ATP8A2: variants seen among roughly 807,000 people sequenced by gnomAD.
The protein encoded by ATP8A2 is phospholipid-transporting ATPase IB.
A neutral mutation model predicts 165.6 loss-of-function variants in ATP8A2; 100 were observed. The observed-to-expected ratio is 0.60, with a 90% CI of 0.51 to 0.71. ATP8A2 has a LOEUF of 0.71. Ranked by LOEUF, ATP8A2 falls within the 30% of genes least tolerant of loss-of-function variation. The pLI is 0.00. For synonymous variants in ATP8A2, 543 were observed against 548.8 expected, an observed-to-expected ratio of 0.99 and a Z score of 0.15; for missense variants, 1,227 against 1,479.5, an observed-to-expected ratio of 0.83 and a Z score of 2.80.
chr13:25,564,576 A>T (rs1321341651), intron 16 of ATP8A2, among the ~76,000 whole-genome samples: 1 of 152,252 alleles, frequency 6.6e-6, no homozygotes, highest in African/African-American at 2.4e-5. Flanking sequence ...GCATAAATGT[A>T]GAAATGAGCC....
chr13:25,825,477 G>GT (rs1475698922), intron 27 of ATP8A2, among the ~76,000 whole-genome samples: 1 of 151,798 alleles, frequency 6.6e-6, no homozygotes, highest in East Asian at 1.9e-4. Context: ...ATTTTTATTT[G>GT]TTTTTTCTAT....
intron 27 of ATP8A2, among the ~76,000 whole-genome samples, chr13:25,807,519 C>T (rs970672709): frequency 6.6e-6 from 1 of 152,128 alleles, no homozygotes; most frequent in Non-Finnish European, 1.5e-5. Flanking sequence ...TTCCTGGACT[C>T]TCAGTTCTAT....
chr13:25,638,283 A>C (rs1329806179), intron 24 of ATP8A2, among the ~76,000 whole-genome samples: 1 of 152,228 alleles, frequency 6.6e-6, no homozygotes, highest in Admixed American at 6.5e-5. Flanking sequence ...TTGAGAGAAG[A>C]AGGCTTCAGA....
chr13:25,801,196 C>T (rs1249914807), intron 27 of ATP8A2, among the ~76,000 whole-genome samples: 1 of 152,170 alleles, frequency 6.6e-6, no homozygotes, highest in Non-Finnish European at 1.5e-5. Context: ...TCTAGGTACT[C>T]TACTTCGGAG....
chr13:25,559,746 C>T lies in ATP8A2; in HGVS notation c.1378C>T (p.Pro460Ser), dbSNP rs1317025985. ...YGHFPELARE[P>S]SSDDFCRMPP... ...TCACTTCCCAGAATTGGCAAGAGAG[C>T]CGTCTTCAGATGACTTCTGGTAAGT... is the stretch of plus-strand genomic sequence containing the variant. Residue 460 changes from proline to serine, a missense_variant, in exon 15 of 37, where the codon CCG becomes TCG. By Grantham distance (74) the Pro-to-Ser change is moderately conservative. Around this residue, in one of 5 missense-constraint regions of ATP8A2, gnomAD observed 592 missense variants for 785.6 expected, o/e 0.75. Coordinates refer to ENST00000381655, the MANE Select transcript of ATP8A2 (RefSeq NM_016529.6). The T allele has an allele frequency of 6.2e-7, 1 of 1,613,120 alleles. No individual in the cohort carries two copies. Among genetic ancestry groups the T allele is most frequent in the Non-Finnish European group, 8.5e-7 (1 of 1,179,252 alleles).
rs577394253 is a variant in ATP8A2 at position 25,590,778 on chromosome 13, A to G, written c.2211+1079A>G. Among the ~76,000 whole-genome samples, 67 of 152,266 alleles carry G rather than the reference A, an allele frequency of 4.4e-4. 1 individual carries two copies. The highest frequency in any genetic ancestry group is 2.1e-4 in the South Asian group (1 of 4,822). ...GGCAATAAAGTACAGAGCTTTCTAT[A>G]CTTGCAAATTGAGAGGGCCATAACT... On this transcript the variant is annotated intron_variant, in intron 24 of 36. Transcript: ENST00000381655.
intron 1 of ATP8A2, among the ~76,000 whole-genome samples, chr13:25,430,943 A>G (rs1216898612): frequency 6.6e-6 from 1 of 151,872 alleles, no homozygotes; most frequent in Non-Finnish European, 1.5e-5. Flanking sequence ...AACTCAAGGG[A>G]AGAAACTGGT....
intron 30 of ATP8A2, among the ~76,000 whole-genome samples, chr13:25,845,591 T>C (rs1383208948): frequency 6.6e-5 from 10 of 152,196 alleles, no homozygotes; most frequent in South Asian, 4.1e-4. Flanking sequence ...GTCTATTTTA[T>C]AATTTTTAAT....
chr13:25,645,378 C>G (rs2041645290), intron 24 of ATP8A2, among the ~76,000 whole-genome samples: 1 of 152,196 alleles, frequency 6.6e-6, no homozygotes. Flanking sequence ...AGATACAATT[C>G]AAGATGAGAT....
intron 33 of ATP8A2, among the ~76,000 whole-genome samples, chr13:25,939,355 G>T (rs1955004437): frequency 1.3e-5 from 2 of 152,242 alleles, no homozygotes; most frequent in South Asian, 4.1e-4. Flanking sequence ...GTTGATTTTT[G>T]TAAACATTTT....
At chr13:25,462,322 C>T (rs2035525864) in intron 1 of ATP8A2, among the ~76,000 whole-genome samples, 1 of 152,196 alleles carries the variant, frequency 6.6e-6, no homozygotes, top group African/African-American at 2.4e-5. Context: ...TCCCAGACCA[C>T]CTGCACATCT....
At chr13:25,523,023 G>A (rs146396606) in intron 2 of ATP8A2, among the ~76,000 whole-genome samples, 1 of 151,952 alleles carries the variant, frequency 6.6e-6, no homozygotes, top group East Asian at 2.0e-4. Flanking sequence ...TACTCTGGAG[G>A]CTGAGGCTAC....
intron 24 of ATP8A2, among the ~76,000 whole-genome samples, chr13:25,599,433 T>C (rs908484229): frequency 6.6e-6 from 1 of 152,248 alleles, no homozygotes; most frequent in Admixed American, 6.5e-5. Context: ...GTGTTGCCTG[T>C]TATCCAGTGT....
chr13:25,980,593 C>A (rs893433384), intron 35 of ATP8A2, among the ~76,000 whole-genome samples: 1 of 152,116 alleles, frequency 6.6e-6, no homozygotes. Context: ...TTGTAGCCAC[C>A]AGGAAACATT....
rs114777922 is a variant in ATP8A2 at position 25,489,644 on chromosome 13, C to T, written c.221+20523C>T. On this transcript the variant is annotated intron_variant, in intron 2 of 36. Coordinates refer to ENST00000381655, the MANE Select transcript of ATP8A2 (RefSeq NM_016529.6). ...GTGGAAAACCTTTGCTGAAGGACTG[C>T]GCTCTGCAAGCGAAGGTCAGAATTG... 5.2e-3 allele frequency among the ~76,000 whole-genome samples: 788 copies of T among 152,310 alleles called. 5 individuals carry two copies. The highest frequency in any genetic ancestry group is 0.018 in the African/African-American group (734 of 41,548).
intron 27 of ATP8A2, among the ~76,000 whole-genome samples, chr13:25,814,119 A>ACACACACACACT (rs1950949506): frequency 6.6e-6 from 1 of 151,518 alleles, no homozygotes; most frequent in Non-Finnish European, 1.5e-5. Flanking sequence ...ACACACACAC[A>ACACACACACACT]CACTCATTAA....
At chr13:25,841,487 A>C (rs567253615) in intron 30 of ATP8A2, among the ~76,000 whole-genome samples, 8 of 152,364 alleles carry the variant, frequency 5.3e-5, no homozygotes, top group African/African-American at 1.9e-4. Flanking sequence ...TAAATTGCAA[A>C]TATTAAGTGT....
chr13:25,533,456 CCTTCCCT>C, intron 6 of ATP8A2, 143 bp downstream of exon 6: 1 of 512,736 alleles, frequency 2.0e-6, no homozygotes, highest in Non-Finnish European at 3.5e-6. Flanking sequence ...CGTGTTTACT[CCTTCCCT>C]TGCACCTTCT....
chr13:25,472,734 T>TG (rs1400965735), intron 2 of ATP8A2, among the ~76,000 whole-genome samples: 2 of 152,168 alleles, frequency 1.3e-5, no homozygotes, highest in Admixed American at 1.3e-4. Flanking sequence ...AGGGACCACA[T>TG]GGGATAGATG....
Sources: gnomAD v4.1 joint callset for allele counts (sites outside exome capture counted in the v4.1 genomes callset) on GRCh38, gnomAD v4.1.1 for gene constraint, gnomAD v4.1.1 regional missense constraint, MANE v1.5 for transcripts, NCBI Gene and HGNC (gene_info 2026-07-23, HGNC 2026-07-21) for gene names.